Variants in CDK14 observed in about 807,000 individuals in gnomAD.
The protein encoded by CDK14 is cyclin dependent kinase 14.
A neutral mutation model predicts 60.7 loss-of-function variants in CDK14; 34 were observed. That is an observed-to-expected ratio of 0.56 (90% CI 0.43 to 0.75). CDK14 has a LOEUF of 0.75. Among genes scored for constraint, CDK14 ranks in the 30% least tolerant of loss-of-function variants. The pLI is 0.00. For missense variants in CDK14, 482 were observed against 564.1 expected (o/e 0.85, Z 1.47); for synonymous variants, 197 against 203.7 (o/e 0.97, Z 0.28).
chr7:90,805,943 A>C (rs898878364), intron 5 of CDK14, among the ~76,000 whole-genome samples: 2 of 152,234 alleles, frequency 1.3e-5, no homozygotes, highest in Admixed American at 6.5e-5. Flanking sequence ...TTGTGAAAAT[A>C]AACATATTGA....
At chr7:90,966,243 A>G (rs537992170) in intron 9 of CDK14, among the ~76,000 whole-genome samples, 5 of 152,148 alleles carry the variant, frequency 3.3e-5, no homozygotes, top group Non-Finnish European at 7.3e-5. Context: ...CAGCTTCCAT[A>G]TATAAAATTG....
chr7:90,664,224 C>A (rs990482017), intron 2 of CDK14, among the ~76,000 whole-genome samples: 4 of 152,226 alleles, frequency 2.6e-5, no homozygotes, highest in Admixed American at 6.5e-5. Context: ...AAATGCAAAT[C>A]AAAACCACAA....
chr7:90,686,954 T>G (rs573873893), intron 2 of CDK14, among the ~76,000 whole-genome samples: 100 of 152,278 alleles, frequency 6.6e-4, no homozygotes, highest in African/African-American at 2.2e-3. Flanking sequence ...AGCAAATTGT[T>G]TGTGAACTAA....
At chr7:90,824,156 G>C (rs989553880) in intron 5 of CDK14, among the ~76,000 whole-genome samples, 5 of 152,158 alleles carry the variant, frequency 3.3e-5, no homozygotes, top group African/African-American at 4.8e-5. Flanking sequence ...CAGTCATAAT[G>C]ACAATAGACA....
At chr7:91,090,629 G>C (rs906173251) in intron 12 of CDK14, among the ~76,000 whole-genome samples, 1 of 152,058 alleles carries the variant, frequency 6.6e-6, no homozygotes, top group Non-Finnish European at 1.5e-5. Context: ...AAAACCTCCT[G>C]CCCAAGTTTT....
chr7:90,806,740 G>T (rs1442336554), intron 5 of CDK14, among the ~76,000 whole-genome samples: 1 of 151,250 alleles, frequency 6.6e-6, no homozygotes, highest in East Asian at 1.9e-4. Context: ...GTGACAGACG[G>T]CACCTGGAAA....
intron 1 of CDK14, among the ~76,000 whole-genome samples, chr7:90,599,045 G>A (rs1031771526): frequency 2.6e-5 from 4 of 152,148 alleles, no homozygotes; most frequent in African/African-American, 9.7e-5. Flanking sequence ...TTGAGTTGAG[G>A]GCTTACTGTG....
intron 4 of CDK14, among the ~76,000 whole-genome samples, chr7:90,782,472 A>T (rs1805379964): frequency 6.6e-6 from 1 of 152,178 alleles, no homozygotes; most frequent in South Asian, 2.1e-4. Flanking sequence ...TATATCTTTA[A>T]ATTGCAGGTA....
Position 90,709,822 on chromosome 7 carries a change from C to T in CDK14, c.124-16745C>T, listed in dbSNP as rs776067517. On this transcript the variant is annotated intron_variant, in intron 2 of 14. Coordinates refer to ENST00000380050, the MANE Select transcript of CDK14 (RefSeq NM_001287135.2). Reference sequence around the variant, plus strand: ...CCCCCTCTCTTGGTTGTAGTACGGCCGTACCATTTCAGCTTGCTAGTGCAG... The same window carrying T: ...CCCCCTCTCTTGGTTGTAGTACGGCTGTACCATTTCAGCTTGCTAGTGCAG... The T allele has an allele frequency of 5.5e-4, 778 of 1,411,774 alleles. 1 individual carries two copies. The highest frequency in any genetic ancestry group is 6.9e-4 in the Non-Finnish European group (747 of 1,080,256). The allele number at this position is 1,411,774 out of a possible 1,614,324, so 87.5% of individuals were successfully genotyped here.
chr7:91,108,867 A>G (rs992064743), intron 12 of CDK14, among the ~76,000 whole-genome samples: 3 of 152,216 alleles, frequency 2.0e-5, no homozygotes, highest in Non-Finnish European at 2.9e-5. Flanking sequence ...CTTAAAGTTA[A>G]TTTAATGTCT....
At chr7:90,680,938 A>G (rs1001841324) in intron 2 of CDK14, among the ~76,000 whole-genome samples, 1 of 152,326 alleles carries the variant, frequency 6.6e-6, no homozygotes, top group East Asian at 1.9e-4. Context: ...CTATGTACAC[A>G]TTTTCCAAAA....
chr7:90,978,587 A>G (rs1427161191), intron 9 of CDK14, among the ~76,000 whole-genome samples: 1 of 152,194 alleles, frequency 6.6e-6, no homozygotes, highest in African/African-American at 2.4e-5. Context: ...ACTTTAAGTT[A>G]GTAAAATAAC....
At chr7:90,966,390 T>C (rs1454026935) in intron 9 of CDK14, among the ~76,000 whole-genome samples, 1 of 152,172 alleles carries the variant, frequency 6.6e-6, no homozygotes, top group East Asian at 1.9e-4. Context: ...GGTCAGTTCA[T>C]TGTATATTGT....
chr7:91,114,414 T>G (rs1017407307), intron 13 of CDK14, among the ~76,000 whole-genome samples: 9 of 152,182 alleles, frequency 5.9e-5, no homozygotes, highest in African/African-American at 2.2e-4. Flanking sequence ...GCACAAAGTA[T>G]GCAGAACACC....
At chr7:91,205,778 G>A (rs1006971836) in intron 14 of CDK14, among the ~76,000 whole-genome samples, 1 of 152,058 alleles carries the variant, frequency 6.6e-6, no homozygotes, top group Non-Finnish European at 1.5e-5. Flanking sequence ...ATGGTGGAGA[G>A]AATGCTCTTT....
chr7:90,912,270 C>A (rs1792931256), intron 7 of CDK14, among the ~76,000 whole-genome samples: 1 of 152,040 alleles, frequency 6.6e-6, no homozygotes, highest in South Asian at 2.1e-4. Flanking sequence ...CTCATGTTAT[C>A]TATTTCTAAG....
At chr7:90,864,964 TTA>T (rs1340782303) in intron 6 of CDK14, among the ~76,000 whole-genome samples, 1 of 152,168 alleles carries the variant, frequency 6.6e-6, no homozygotes, top group Non-Finnish European at 1.5e-5. Flanking sequence ...ATCATATAGA[TTA>T]CTCTTGTCTC....
At chr7:91,046,066 T>A in intron 11 of CDK14, 106 bp downstream of exon 11, 1 of 727,752 alleles carries the variant, frequency 1.4e-6, no homozygotes, top group Admixed American at 2.2e-5. Flanking sequence ...TTCTGGTTAC[T>A]TTTGCCATTG....
At chr7:90,794,555 A>G (rs1334291388) in intron 5 of CDK14, among the ~76,000 whole-genome samples, 6 of 152,076 alleles carry the variant, frequency 3.9e-5, no homozygotes. Context: ...TATTTCTCCT[A>G]TTTGCTTTTG....
Sources: gnomAD v4.1 joint callset for allele counts (sites outside exome capture counted in the v4.1 genomes callset) on GRCh38, gnomAD v4.1.1 for gene constraint, MANE v1.5 for transcripts, NCBI Gene and HGNC (gene_info 2026-07-23, HGNC 2026-07-21) for gene names.